EYS: variants seen among roughly 807,000 people sequenced by gnomAD.
The protein encoded by EYS is protein eyes shut homolog.
Under a neutral mutation model 282.1 loss-of-function variants are expected in EYS, and 250 were observed. That is an observed-to-expected ratio of 0.89 (90% CI 0.80 to 0.98). The LOEUF is 0.98. Ranked by LOEUF, EYS falls within the 50% of genes least tolerant of loss-of-function variation. EYS has a pLI of 0.00. For synonymous variants in EYS, 1,355 were observed against 1,282.9 expected, an observed-to-expected ratio of 1.06 and a Z score of -1.20; for missense variants, 4,016 against 3,709.0, an observed-to-expected ratio of 1.08 and a Z score of -2.15.
intron 22 of EYS, among the ~76,000 whole-genome samples, chr6:64,772,529 G>A (rs1169776866): frequency 2.6e-5 from 4 of 151,678 alleles, no homozygotes; most frequent in Admixed American, 2.6e-4. Flanking sequence ...TAGTCTCTTA[G>A]TTATTTTAAA....
At chr6:64,585,868 T>C (rs1766218865) in intron 26 of EYS, among the ~76,000 whole-genome samples, 2 of 152,174 alleles carry the variant, frequency 1.3e-5, no homozygotes, top group South Asian at 2.1e-4. Context: ...AATTTCTTTA[T>C]ACTTTTCAAA....
intron 22 of EYS, among the ~76,000 whole-genome samples, chr6:64,784,010 C>T (rs947223488): frequency 6.6e-6 from 1 of 151,970 alleles, no homozygotes. Context: ...ATGTTCATGA[C>T]CTTACAGAGT....
intron 26 of EYS, among the ~76,000 whole-genome samples, chr6:64,560,280 G>T (rs1318689596): frequency 1.3e-5 from 2 of 151,614 alleles, no homozygotes; most frequent in Non-Finnish European, 2.9e-5. Flanking sequence ...GTCAATTGTA[G>T]AAATCTTAGG....
chr6:65,407,308 T>C (rs776050765), intron 5 of EYS, among the ~76,000 whole-genome samples: 2 of 152,174 alleles, frequency 1.3e-5, no homozygotes, highest in Non-Finnish European at 2.9e-5. Flanking sequence ...CAGGCTGGAG[T>C]GCAGTGGCAT....
chr6:64,120,199 A>G (rs946487387), intron 31 of EYS, among the ~76,000 whole-genome samples: 77 of 149,906 alleles, frequency 5.1e-4, no homozygotes, highest in African/African-American at 1.8e-3. Context: ...AAAAAAAATT[A>G]CAAAAAATTA....
At chr6:64,888,321 T>A (rs531767702) in intron 18 of EYS, among the ~76,000 whole-genome samples, 38 of 152,110 alleles carry the variant, frequency 2.5e-4, no homozygotes, top group Admixed American at 7.9e-4. Context: ...TTTGAGGTGA[T>A]CTCTATGCTA....
intron 31 of EYS, among the ~76,000 whole-genome samples, chr6:64,168,350 A>G (rs1432166606): frequency 1.3e-5 from 2 of 152,226 alleles, no homozygotes; most frequent in Non-Finnish European, 2.9e-5. Context: ...TTTCTTATTG[A>G]ATGCACAATG....
At position 63,721,176 on chromosome 6, in the gene EYS, G is replaced by C; in HGVS notation, c.8855C>G (p.Thr2952Ser). 6.4e-7 allele frequency: 1 copy of C among 1,551,572 alleles called. No individual in the cohort carries two copies. The highest frequency in any genetic ancestry group is 2.4e-5 in the East Asian group (1 of 40,906). Residue 2952 changes from threonine (T) to serine (S), a missense_variant, in exon 43 of 43, where the codon ACT becomes AGT. By Grantham distance (58) the Thr-to-Ser change is moderately conservative (BLOSUM62 1). Transcript: ENST00000503581. ...CATAAATTTTGCAGTTGAAAATGAA[G>C]TTTTGTTTTCACAATACCTTCCCAC... ...GWVGRYCENK[T>S]SFSTAKFMGN...
chr6:64,345,470 A>G (rs919610783), intron 29 of EYS, among the ~76,000 whole-genome samples: 2 of 152,144 alleles, frequency 1.3e-5, no homozygotes, highest in Admixed American at 6.6e-5. Context: ...CTATTTAATA[A>G]ATGGTGCTGG....
At chr6:64,236,468 T>G (rs1450972273) in intron 30 of EYS, among the ~76,000 whole-genome samples, 1 of 152,204 alleles carries the variant, frequency 6.6e-6, no homozygotes, top group Non-Finnish European at 1.5e-5. Flanking sequence ...GGATTATATA[T>G]TCTACGTTGA....
rs6927139 is a variant in EYS at position 64,654,886 on chromosome 6, G to A, written c.3444-28641C>T. Among the ~76,000 whole-genome samples the A allele has an allele frequency of 3.9e-3, 595 of 152,170 alleles. 3 individuals carry two copies. Among genetic ancestry groups the A allele is most frequent in the African/African-American group, 0.013 (554 of 41,520 alleles). ...AAAGCTGAGGTATAGCTGCACCTTG[G>A]GATTCATATAGCAAACAGTTTAGTT... On this transcript the variant is annotated intron_variant, in intron 22 of 42. Transcript: ENST00000503581.
At chr6:64,756,529 C>T (rs1163018080) in intron 22 of EYS, among the ~76,000 whole-genome samples, 1 of 152,092 alleles carries the variant, frequency 6.6e-6, no homozygotes, top group African/African-American at 2.4e-5. Context: ...TTATCAAGCA[C>T]ATTTATGACA....
Position 64,834,824 on chromosome 6 carries a change from C to G in EYS, c.2993-12002G>C, listed in dbSNP as rs138158002. 1.2e-3 allele frequency among the ~76,000 whole-genome samples: 186 copies of G among 151,826 alleles called. 1 individual carries two copies. The highest frequency in any genetic ancestry group is 4.4e-3 in the African/African-American group (181 of 41,488). On this transcript the variant is annotated intron_variant, in intron 19 of 42. Transcript: ENST00000503581. ...TGTTGTATGTTTTGATTAACAAACA[C>G]AATTCTTAGTTGTTAATTTGATTTA...
intron 26 of EYS, among the ~76,000 whole-genome samples, chr6:64,466,137 G>A (rs573924504): frequency 4.1e-4 from 62 of 152,146 alleles, no homozygotes; most frequent in African/African-American, 1.5e-3. Flanking sequence ...GGGGACACTT[G>A]AACATTGTTG....
intron 12 of EYS, among the ~76,000 whole-genome samples, chr6:65,206,215 A>G (rs984263653): frequency 6.6e-6 from 1 of 151,746 alleles, no homozygotes. Context: ...CATCTGATAC[A>G]TGCCACAGAA....
At chr6:63,869,485 G>C (rs1772749359) in intron 35 of EYS, among the ~76,000 whole-genome samples, 2 of 152,128 alleles carry the variant, frequency 1.3e-5, no homozygotes, top group South Asian at 4.1e-4. Context: ...TTTCCAGAAA[G>C]AGATATCTTT....
chr6:65,454,533 C>A (rs1442823982), intron 5 of EYS, among the ~76,000 whole-genome samples: 1 of 150,358 alleles, frequency 6.7e-6, no homozygotes. Flanking sequence ...CCTATTTTTG[C>A]TTTTGTTGCC....
intron 26 of EYS, among the ~76,000 whole-genome samples, chr6:64,548,885 C>A (rs1035172107): frequency 4.0e-5 from 6 of 151,852 alleles, no homozygotes; most frequent in Admixed American, 1.3e-4. Flanking sequence ...CATCTGAGCT[C>A]CTTCCTCCCA....
intron 37 of EYS, among the ~76,000 whole-genome samples, chr6:63,798,474 T>C (rs765065218): frequency 2.0e-5 from 3 of 152,188 alleles, no homozygotes; most frequent in East Asian, 1.9e-4. Flanking sequence ...TTTTCTGTTA[T>C]AAAAAATTGA....
Sources: gnomAD v4.1 joint callset for allele counts (sites outside exome capture counted in the v4.1 genomes callset) on GRCh38, gnomAD v4.1.1 for gene constraint, MANE v1.5 for transcripts, NCBI Gene and HGNC (gene_info 2026-07-23, HGNC 2026-07-21) for gene names.